Variants in IREB2 observed in about 807,000 individuals in gnomAD.
IREB2 encodes iron-responsive element-binding protein 2.
Under a neutral mutation model 118.8 loss-of-function variants are expected in IREB2, and 39 were observed. The ratio of observed to expected loss-of-function variants is 0.33; its 90% CI spans 0.25 to 0.43. IREB2 has a LOEUF of 0.43. Among genes scored for constraint, IREB2 ranks in the 20% least tolerant of loss-of-function variants. The pLI is 1.00. For synonymous variants in IREB2, 372 were observed against 392.2 expected (o/e 0.95, Z 0.61); for missense variants, 900 against 1,147.3 (o/e 0.78, Z 3.11).
At chr15:78,487,171 C>T (rs937754309) in intron 13 of IREB2, among the ~76,000 whole-genome samples, 4 of 119,762 alleles carry the variant, frequency 3.3e-5, no homozygotes, top group Non-Finnish European at 5.3e-5. Flanking sequence ...TGAGAGATTA[C>T]TCCTATCAGA....
chr15:78,438,246 G>A lies in IREB2; in HGVS notation c.-92G>A, dbSNP rs909221725. 39 of 984,386 alleles carry A rather than the reference G, an allele frequency of 4.0e-5. No individual in the cohort carries two copies. The highest frequency in any genetic ancestry group is 2.7e-5 in the Non-Finnish European group (17 of 629,002). 61.0% of individuals were successfully genotyped at this position (984,386 alleles called of 1,614,324 possible). On this transcript the variant is annotated 5_prime_UTR_variant, in exon 1 of 22. Transcript: ENST00000258886. Reference sequence around the variant, plus strand: ...TGCTTCCTTCTTTCCTCCCTTGCCAGTCCGCCTGTCTTCCTCCCCGTCTTC... The same window carrying A: ...TGCTTCCTTCTTTCCTCCCTTGCCAATCCGCCTGTCTTCCTCCCCGTCTTC...
chr15:78,460,708 T>C (rs1051788185), intron 2 of IREB2, among the ~76,000 whole-genome samples: 4 of 152,198 alleles, frequency 2.6e-5, no homozygotes, highest in Non-Finnish European at 5.9e-5. Context: ...ATTCTAGGCA[T>C]TTTCAGTGAC....
rs146474505 is a variant in IREB2, at chr15:78,492,640, G to T, written c.2325-1269G>T. Among the ~76,000 whole-genome samples the T allele has an allele frequency of 7.2e-3, 1,103 of 152,208 alleles. 13 individuals carry two copies. Among genetic ancestry groups the T allele is most frequent in the African/African-American group, 0.022 (900 of 41,522 alleles). On this transcript the variant is annotated intron_variant, in intron 18 of 21. Coordinates refer to ENST00000258886, the MANE Select transcript of IREB2 (RefSeq NM_004136.4). Reference sequence around the variant, plus strand: ...AGGCAGTGGCACTTGGCCCTCTGCTGCTTGGAACTCGTGGGCTCAAGCACT... The same window carrying T: ...AGGCAGTGGCACTTGGCCCTCTGCTTCTTGGAACTCGTGGGCTCAAGCACT...
chr15:78,472,485 A>G (rs774052889), intron 7 of IREB2, among the ~76,000 whole-genome samples: 9 of 151,536 alleles, frequency 5.9e-5, no homozygotes, highest in African/African-American at 9.7e-5. Flanking sequence ...TTGTGCCTCA[A>G]CCTCCCAAGT....
chr15:78,472,156 GTAATTGAA>G (rs1397195900), intron 7 of IREB2, among the ~76,000 whole-genome samples: 3 of 152,178 alleles, frequency 2.0e-5, no homozygotes, highest in African/African-American at 4.8e-5. Context: ...TATTTGTGAA[GTAATTGAA>G]TAATTGAATG....
At chr15:78,469,191 G>A (rs555917861) in intron 5 of IREB2, among the ~76,000 whole-genome samples, 1 of 152,242 alleles carries the variant, frequency 6.6e-6, no homozygotes, top group East Asian at 1.9e-4. Flanking sequence ...AAGTTGAGTA[G>A]AAAGATGAGA....
intron 2 of IREB2, among the ~76,000 whole-genome samples, chr15:78,457,642 T>A (rs2141467697): frequency 6.6e-6 from 1 of 152,270 alleles, no homozygotes; most frequent in African/African-American, 2.4e-5. Flanking sequence ...CATGTAGACA[T>A]TTTAAGTTTC....
intron 10 of IREB2, among the ~76,000 whole-genome samples, chr15:78,481,000 C>G (rs1422359240): frequency 1.3e-5 from 2 of 150,506 alleles, no homozygotes; most frequent in Admixed American, 6.6e-5. Flanking sequence ...CAGAGCGAGA[C>G]TCTGTCTCAA....
intron 10 of IREB2, among the ~76,000 whole-genome samples, chr15:78,479,117 A>T (rs1403582427): frequency 6.6e-6 from 1 of 151,542 alleles, no homozygotes; most frequent in Non-Finnish European, 1.5e-5. Context: ...CTATTTTTTT[A>T]ATATTATTAT....
chr15:78,484,957 C>G, intron 12 of IREB2, 37 bp downstream of exon 12: 1 of 1,585,298 alleles, frequency 6.3e-7, no homozygotes, highest in Non-Finnish European at 8.6e-7. Flanking sequence ...TTTCTTTTTC[C>G]TTAATTATTG....
chr15:78,488,195 T>A lies in IREB2; in HGVS notation c.1810T>A (p.Cys604Ser), dbSNP rs1259949881. 6.2e-7 allele frequency: 1 copy of A among 1,606,854 alleles called. No homozygotes were observed. The highest frequency in any genetic ancestry group is 1.3e-5 in the African/African-American group (1 of 74,560). The stretch of plus-strand genomic sequence containing the variant: ...TTTTTTTCAGGGTGATTTGGTTACC[T>A]GTGGAATTTTATCTGGAAACAAAAA... Reference protein sequence around the residue: ...NAVKQGDLVTCGILSGNKNFE... With the variant: ...NAVKQGDLVTSGILSGNKNFE... The change falls in exon 15 of 22, where the codon TGT becomes AGT. Residue 604 changes from cysteine to serine, a missense_variant. By Grantham distance (112) the Cys-to-Ser change is moderately radical. Transcript: ENST00000258886.
At chr15:78,479,399 A>AT (rs1158698299) in intron 10 of IREB2, among the ~76,000 whole-genome samples, 6,119 of 130,760 alleles carry the variant, frequency 0.047, 144 homozygotes, top group Non-Finnish European at 0.065. Flanking sequence ...TGGTTTTTGG[A>AT]TTTTTTTTTT....
chr15:78,476,401 C>A, intron 9 of IREB2, 42 bp downstream of exon 9: 2 of 1,342,216 alleles, frequency 1.5e-6, no homozygotes, highest in Non-Finnish European at 1.0e-6. Context: ...TGTTACATTT[C>A]CAATGTGTTT....
chr15:78,473,200 T>C, intron 7 of IREB2, 42 bp from the exon 8 acceptor site: 1 of 1,580,630 alleles, frequency 6.3e-7, no homozygotes, highest in Non-Finnish European at 8.7e-7. Flanking sequence ...ATAAATGATC[T>C]TTAAATATAC....
In IREB2 at chr15:78,485,714, C is replaced by T; in HGVS notation, c.1583C>T (p.Ala528Val). The T allele has an allele frequency of 3.7e-6, 6 of 1,612,912 alleles. No individual in the cohort carries two copies. The highest frequency in any genetic ancestry group is 5.1e-6 in the Non-Finnish European group (6 of 1,179,466). Residue 528 changes from alanine (A) to valine (V), a missense_variant, in exon 13 of 22, where the codon GCT becomes GTT. Coordinates refer to ENST00000258886, the MANE Select transcript of IREB2 (RefSeq NM_004136.4). ...TTTGTTGGCTGTGCAGGTCTTTTGG[C>T]TAAAAAGGCTGTTGAAGCTGGTCTG... The part of the protein sequence containing the change: ...PSVMLAAGLL[A>V]KKAVEAGLRV...
At chr15:78,473,129 C>G in intron 7 of IREB2, 113 bp from the exon 8 acceptor site, 1 of 982,408 alleles carries the variant, frequency 1.0e-6, no homozygotes, top group South Asian at 1.7e-5. Context: ...AATATAGCAA[C>G]TCTGCAAAGT....
chr15:78,457,199 C>T (rs1214425169), intron 2 of IREB2, among the ~76,000 whole-genome samples: 1 of 152,114 alleles, frequency 6.6e-6, no homozygotes, highest in African/African-American at 2.4e-5. Flanking sequence ...TAAATTCCTC[C>T]TCCTGGTATA....
rs2051355293 is a variant in IREB2 at position 78,470,393 on chromosome 15, GA to G, written c.630-136del. On this transcript the variant is annotated intron_variant, in intron 5 of 21. Coordinates refer to ENST00000258886, the MANE Select transcript of IREB2 (RefSeq NM_004136.4). ...TTGTTGAAAAAGAAAATAATTCTGAGAAACCTAGTAAATAGTTCTTCCAAGG... is the reference window on the plus strand; with the variant it reads ...TTGTTGAAAAAGAAAATAATTCTGAGAACCTAGTAAATAGTTCTTCCAAGG... 7.8e-6 allele frequency: 4 copies of G among 511,206 alleles called. No individual in the cohort carries two copies. In the Admixed American group the frequency reaches 1.3e-4, roughly 16 times the overall value. 31.7% of individuals were successfully genotyped at this position (511,206 alleles called of 1,614,324 possible).
intron 5 of IREB2, among the ~76,000 whole-genome samples, chr15:78,468,428 T>G (rs573740203): frequency 5.3e-5 from 8 of 152,000 alleles, no homozygotes; most frequent in Middle Eastern, 3.4e-3. Context: ...TACCTTTTTT[T>G]GGGGTAGAGA....
Sources: gnomAD v4.1 joint callset for allele counts (sites outside exome capture counted in the v4.1 genomes callset) on GRCh38, gnomAD v4.1.1 for gene constraint, MANE v1.5 for transcripts, NCBI Gene and HGNC (gene_info 2026-07-23, HGNC 2026-07-21) for gene names.